Variants in GALNT13 observed in about 807,000 individuals in gnomAD.
The protein encoded by GALNT13 is polypeptide N-acetylgalactosaminyltransferase 13, also known as UDP-GalNAc:polypeptide N-acetylgalactosaminyltransferase 13.
In GALNT13, 28 loss-of-function variants were observed where a neutral mutation model predicts 64.2. The observed-to-expected ratio is 0.44, with a 90% CI of 0.32 to 0.60. The LOEUF (loss-of-function observed/expected upper bound fraction) is 0.60, where lower values mean the gene tolerates loss of function less well. Ranked by LOEUF, GALNT13 falls within the 20% of genes least tolerant of loss-of-function variation. The probability of loss-of-function intolerance (pLI) is 0.05; values close to 1 mark genes in which losing one functional copy is unlikely to be tolerated. For synonymous variants in GALNT13, 214 were observed against 224.6 expected (o/e 0.95, Z 0.42); for missense variants, 577 against 669.8 (o/e 0.86, Z 1.53).
intron 9 of GALNT13, among the ~76,000 whole-genome samples, chr2:154,327,444 A>G (rs1273373118): frequency 6.6e-6 from 1 of 152,124 alleles, no homozygotes; most frequent in Non-Finnish European, 1.5e-5. Flanking sequence ...ATTGTCTGCT[A>G]TGATCCAAGT....
At chr2:153,860,434 G>A in the GALNT13 span, among the ~76,000 whole-genome samples, 1 of 150,656 alleles carries the variant, frequency 6.6e-6, no homozygotes, top group East Asian at 1.9e-4. Flanking sequence ...GACCAAATCA[G>A]TTGACTTCTA....
At chr2:154,387,194 G>A (rs1698554815) in intron 9 of GALNT13, among the ~76,000 whole-genome samples, 1 of 152,070 alleles carries the variant, frequency 6.6e-6, no homozygotes, top group Admixed American at 6.6e-5. Flanking sequence ...AGATAAAAAG[G>A]TAGATTAAGG....
At chr2:153,459,363 T>A in the GALNT13 span, among the ~76,000 whole-genome samples, 1 of 151,976 alleles carries the variant, frequency 6.6e-6, no homozygotes, top group Non-Finnish European at 1.5e-5. Flanking sequence ...GTGTCTGTAG[T>A]CCCAGCTACT....
intron 9 of GALNT13, among the ~76,000 whole-genome samples, chr2:154,351,082 G>C (rs1482254838): frequency 6.6e-6 from 1 of 152,108 alleles, no homozygotes; most frequent in Non-Finnish European, 1.5e-5. Context: ...GGTCTGTGAA[G>C]GTTCACGTGT....
chr2:153,109,979 G>A, the GALNT13 span, among the ~76,000 whole-genome samples: 5 of 152,152 alleles, frequency 3.3e-5, no homozygotes, highest in African/African-American at 1.2e-4. Flanking sequence ...TAGGCTGAGC[G>A]ATTCTGAGGT....
At chr2:153,548,669 CT>C in the GALNT13 span, among the ~76,000 whole-genome samples, 4 of 152,274 alleles carry the variant, frequency 2.6e-5, no homozygotes, top group Admixed American at 2.6e-4. Flanking sequence ...ATTCCAGTCT[CT>C]TTATCTGAGT....
At chr2:153,850,172 C>A in the GALNT13 span, among the ~76,000 whole-genome samples, 2 of 77,418 alleles carry the variant, frequency 2.6e-5, no homozygotes, top group South Asian at 4.6e-4. Flanking sequence ...GAGCGAGACT[C>A]CGTCTAAAAA....
At chr2:154,163,842 A>G (rs550059343) in intron 4 of GALNT13, among the ~76,000 whole-genome samples, 1 of 152,304 alleles carries the variant, frequency 6.6e-6, no homozygotes, top group Non-Finnish European at 1.5e-5. Flanking sequence ...TAACATTTCT[A>G]AAAATAGCTT....
chr2:153,444,619 A>C, the GALNT13 span, among the ~76,000 whole-genome samples: 2 of 152,256 alleles, frequency 1.3e-5, no homozygotes, highest in Non-Finnish European at 2.9e-5. Flanking sequence ...CTGATAGATA[A>C]GAAAATATAA....
chr2:153,448,333 C>G, the GALNT13 span, among the ~76,000 whole-genome samples: 1 of 152,046 alleles, frequency 6.6e-6, no homozygotes, highest in South Asian at 2.1e-4. Context: ...TATGTGTTTC[C>G]TAGTTTATTA....
the GALNT13 span, among the ~76,000 whole-genome samples, chr2:153,357,645 T>C: frequency 6.6e-6 from 1 of 152,148 alleles, no homozygotes; most frequent in Admixed American, 6.6e-5. Flanking sequence ...AATATTGAAA[T>C]AAGGGTATGG....
intron 1 of GALNT13, among the ~76,000 whole-genome samples, chr2:153,891,849 G>T (rs1687575316): frequency 6.6e-6 from 1 of 151,814 alleles, no homozygotes; most frequent in Non-Finnish European, 1.5e-5. Flanking sequence ...TTTTGGCCTT[G>T]CATCTCACTT....
chr2:153,098,256 A>G, the GALNT13 span, among the ~76,000 whole-genome samples: 2 of 152,192 alleles, frequency 1.3e-5, no homozygotes, highest in Non-Finnish European at 2.9e-5. Flanking sequence ...AAGGGCTCTT[A>G]GGAATAGTAT....
chr2:153,624,150 C>T, the GALNT13 span, among the ~76,000 whole-genome samples: 2 of 152,162 alleles, frequency 1.3e-5, no homozygotes, highest in East Asian at 3.9e-4. Flanking sequence ...ATACATGATC[C>T]TTAAGGATTC....
chr2:153,647,174 T>C, the GALNT13 span, among the ~76,000 whole-genome samples: 2 of 152,260 alleles, frequency 1.3e-5, no homozygotes, highest in Non-Finnish European at 2.9e-5. Context: ...TGTGAGATGA[T>C]ATCTCATTGT....
At chr2:153,558,759 A>G in the GALNT13 span, among the ~76,000 whole-genome samples, 1 of 152,206 alleles carries the variant, frequency 6.6e-6, no homozygotes, top group African/African-American at 2.4e-5. Flanking sequence ...TGTTTCTCTG[A>G]AAGTGTTCAA....
chr2:154,443,595 A>C (rs1701415064), intron 12 of GALNT13, among the ~76,000 whole-genome samples: 1 of 152,026 alleles, frequency 6.6e-6, no homozygotes, highest in Admixed American at 6.6e-5. Flanking sequence ...TCAGTTCATT[A>C]AAATATCTAT....
chr2:153,283,208 G>A, the GALNT13 span, among the ~76,000 whole-genome samples: 3 of 152,200 alleles, frequency 2.0e-5, no homozygotes, highest in Non-Finnish European at 4.4e-5. Flanking sequence ...GCGGGCACTA[G>A]TACTAAGGGA....
At chr2:154,044,690 T>G (rs1340010444) in intron 3 of GALNT13, among the ~76,000 whole-genome samples, 1 of 152,206 alleles carries the variant, frequency 6.6e-6, no homozygotes, top group East Asian at 1.9e-4. Flanking sequence ...ATTTAATGAT[T>G]TATTGCAGAC....
Sources: gnomAD v4.1 joint callset for allele counts (sites outside exome capture counted in the v4.1 genomes callset) on GRCh38, gnomAD v4.1.1 for gene constraint, MANE v1.5 for transcripts, NCBI Gene and HGNC (gene_info 2026-07-23, HGNC 2026-07-21) for gene names.